ABI3BP: variants seen among roughly 807,000 people sequenced by gnomAD.
ABI3BP encodes the protein ABI family member 3 binding protein, also known as target of Nesh-SH3.
In ABI3BP, 216 loss-of-function variants were observed where a neutral mutation model predicts 268.6. The ratio of observed to expected loss-of-function variants is 0.80; its 90% CI spans 0.72 to 0.90. The LOEUF (loss-of-function observed/expected upper bound fraction) is 0.90. Among genes scored for constraint, ABI3BP ranks in the 40% least tolerant of loss-of-function variants. The probability of loss-of-function intolerance (pLI) is 0.00; values close to 1 mark genes in which losing one functional copy is unlikely to be tolerated. For missense variants in ABI3BP, 2,090 were observed against 2,182.4 expected (o/e 0.96, Z 0.84); for synonymous variants, 730 against 730.0 (o/e 1.00, Z 0.00).
At chr3:100,958,467 T>C (rs892646510) in intron 1 of ABI3BP, among the ~76,000 whole-genome samples, 7 of 152,204 alleles carry the variant, frequency 4.6e-5, no homozygotes, top group Non-Finnish European at 1.0e-4. Flanking sequence ...AATGTATACA[T>C]TGGGAAAACT....
chr3:100,879,111 C>A (rs962542024), intron 6 of ABI3BP, among the ~76,000 whole-genome samples: 2 of 152,156 alleles, frequency 1.3e-5, no homozygotes, highest in South Asian at 4.1e-4. Context: ...CACTCTAAAG[C>A]TTACTCCTCC....
At position 100,851,913 on chromosome 3, in the gene ABI3BP, G is replaced by C; in HGVS notation, c.1313C>G (p.Thr438Arg). Residue 438 changes from threonine (T) to arginine (R), a missense_variant, in exon 15 of 68, where the codon ACA becomes AGA. By Grantham distance (71) the Thr-to-Arg change is moderately conservative (BLOSUM62 -1). Transcript: ENST00000471714. ...TATYDVFSSP[T>R]TSDEPEISDS... ...TGATATCTCAGGCTCATCTGATGTT[G>C]TAGGGCTTGAGAAAACATCATAAGT... is the stretch of plus-strand genomic sequence containing the variant. 1 of 1,581,622 alleles carries C rather than the reference G, an allele frequency of 6.3e-7. No individual in the cohort carries two copies. Among genetic ancestry groups the C allele is most frequent in the Non-Finnish European group, 8.6e-7 (1 of 1,163,444 alleles).
rs563703897 is a variant in ABI3BP, at chr3:100,834,710, C to T, written c.2255G>A (p.Arg752His). ...RPRPKHKTTP[R>H]PETLQTKLDF... ...TAGTTTGGTCTGCAGTGTCTCTGGG[C>T]GTGGCGTGGTTTTATGTTTGGGACG... Residue 752 changes from arginine (R) to histidine (H), a missense_variant, in exon 29 of 68, where the codon CGC (arginine) becomes CAC (histidine). Coordinates refer to ENST00000471714, the MANE Select transcript of ABI3BP (RefSeq NM_001375547.2). 1.4e-5 allele frequency: 22 copies of T among 1,535,590 alleles called. No homozygotes were observed. Among genetic ancestry groups the T allele is most frequent in the South Asian group, 1.1e-4 (9 of 84,034 alleles).
At chr3:100,903,519 C>A (rs1423604034) in intron 2 of ABI3BP, among the ~76,000 whole-genome samples, 2 of 152,208 alleles carry the variant, frequency 1.3e-5, no homozygotes, top group African/African-American at 4.8e-5. Context: ...GTATTCTTTA[C>A]AATGTTCCTC....
chr3:100,880,880 G>A (rs1378755474), intron 6 of ABI3BP, among the ~76,000 whole-genome samples: 1 of 152,034 alleles, frequency 6.6e-6, no homozygotes, highest in African/African-American at 2.4e-5. Context: ...CAGAATATTA[G>A]TATTGTAGGT....
intron 1 of ABI3BP, among the ~76,000 whole-genome samples, chr3:100,943,377 A>G (rs1008866242): frequency 2.0e-5 from 3 of 152,144 alleles, no homozygotes; most frequent in African/African-American, 7.2e-5. Context: ...GCCATTAACT[A>G]AAGTTTAATA....
Position 100,876,496 on chromosome 3 carries a change from A to C in ABI3BP, c.745+16T>G. The C allele has an allele frequency of 6.2e-7, 1 of 1,608,638 alleles. No homozygotes were observed. The highest frequency in any genetic ancestry group is 8.5e-7 in the Non-Finnish European group (1 of 1,175,504). On this transcript the variant is annotated intron_variant, in intron 7 of 67. Transcript: ENST00000471714. Reference sequence around the variant, plus strand: ...TAAAGATTGCTCTAAACACATTTCCAGAGCAGACAAATTACCTTGCTTGAT... The same window carrying C: ...TAAAGATTGCTCTAAACACATTTCCCGAGCAGACAAATTACCTTGCTTGAT...
At chr3:100,768,351 G>GTGC (rs1208165841) in intron 62 of ABI3BP, among the ~76,000 whole-genome samples, 4 of 152,156 alleles carry the variant, frequency 2.6e-5, no homozygotes, top group Admixed American at 2.6e-4. Context: ...GCCTCCCAGA[G>GTGC]TGCTGGGATT....
At chr3:100,861,695 G>GAAA (rs2099000335) in intron 14 of ABI3BP, among the ~76,000 whole-genome samples, 1 of 129,788 alleles carries the variant, frequency 7.7e-6, no homozygotes, top group African/African-American at 3.0e-5. Flanking sequence ...ATTCTCCACA[G>GAAA]GAAAAAAAAA....
At chr3:100,816,083 T>A in intron 43 of ABI3BP, 112 bp from the exon 44 acceptor site, 1 of 795,698 alleles carries the variant, frequency 1.3e-6, no homozygotes, top group Non-Finnish European at 1.9e-6. Flanking sequence ...TTTTAAAACT[T>A]TTGAATTGAT....
At chr3:100,992,889 A>G (rs542625239) in intron 1 of ABI3BP, among the ~76,000 whole-genome samples, 3 of 152,342 alleles carry the variant, frequency 2.0e-5, no homozygotes, top group African/African-American at 7.2e-5. Context: ...TTCACACCAA[A>G]GATTCAAGGT....
At chr3:100,803,297 G>A (rs1366051999) in intron 51 of ABI3BP, among the ~76,000 whole-genome samples, 1 of 145,086 alleles carries the variant, frequency 6.9e-6, no homozygotes, top group African/African-American at 2.4e-5. Context: ...TGAAAAGCAA[G>A]GTGTTGGTAG....
chr3:100,958,448 A>C (rs948392616), intron 1 of ABI3BP, among the ~76,000 whole-genome samples: 2 of 152,252 alleles, frequency 1.3e-5, no homozygotes, highest in African/African-American at 4.8e-5. Context: ...CATATGATAA[A>C]TATCCTGTAA....
intron 46 of ABI3BP, among the ~76,000 whole-genome samples, chr3:100,812,020 C>A (rs1007571767): frequency 1.3e-5 from 2 of 151,958 alleles, no homozygotes; most frequent in Non-Finnish European, 2.9e-5. Context: ...CATGCACACC[C>A]CATACATAAT....
At chr3:100,847,554 C>T in intron 19 of ABI3BP, 48 bp downstream of exon 19, 1 of 1,499,660 alleles carries the variant, frequency 6.7e-7, no homozygotes, top group Non-Finnish European at 9.3e-7. Context: ...ACTGGATTTT[C>T]CATGGTGAAA....
intron 2 of ABI3BP, among the ~76,000 whole-genome samples, chr3:100,904,791 G>A (rs1392454129): frequency 6.6e-6 from 1 of 152,162 alleles, no homozygotes; most frequent in Admixed American, 6.5e-5. Context: ...GGAGAAATAG[G>A]AACACTTTTA....
rs573762081 is a variant in ABI3BP at position 100,809,485 on chromosome 3, G to A, written c.3607+927C>T. Among the ~76,000 whole-genome samples, 9 of 152,130 alleles carry A rather than the reference G, an allele frequency of 5.9e-5. No homozygotes were observed. The East Asian group carries it at 1.7e-3, about 29-fold the overall frequency. ...TCACTAATAGCAGTATTTGCAATGA[G>A]ACATTCCAATGATATTAATTATTAT... is the stretch of plus-strand genomic sequence containing the variant. On this transcript the variant is annotated intron_variant, in intron 49 of 67. Coordinates refer to ENST00000471714, the MANE Select transcript of ABI3BP (RefSeq NM_001375547.2).
chr3:100,824,956 A>T lies in ABI3BP; in HGVS notation c.2663-15T>A. Reference sequence around the variant, plus strand: ...TGTTTTGGTAGCTGAAGGAAGAAAAAGCCTTGTGTTACTCTAGGTCTTATG... The same window carrying T: ...TGTTTTGGTAGCTGAAGGAAGAAAATGCCTTGTGTTACTCTAGGTCTTATG... On this transcript the variant is annotated splice_polypyrimidine_tract_variant and intron_variant, in intron 35 of 67. Coordinates refer to ENST00000471714, the MANE Select transcript of ABI3BP (RefSeq NM_001375547.2). The T allele has an allele frequency of 6.5e-7, 1 of 1,533,722 alleles. No homozygotes were observed. Among genetic ancestry groups the T allele is most frequent in the Non-Finnish European group, 8.7e-7 (1 of 1,144,796 alleles).
rs375831834 is a variant in ABI3BP, at chr3:100,900,958, A to T, written c.328+1660T>A. On this transcript the variant is annotated intron_variant, in intron 3 of 67. Transcript: ENST00000471714. ...TCCTTACATAATTTTGTATATTTGT[A>T]CTATGATCATATTTCTATCAAGAAA... 1.1e-4 allele frequency among the ~76,000 whole-genome samples: 17 copies of T among 152,332 alleles called. No homozygotes were observed. In the South Asian group the frequency reaches 3.5e-3, roughly 32 times the overall value.
Sources: allele counts gnomAD v4.1 joint callset (sites outside exome capture counted in the v4.1 genomes callset), GRCh38; gene constraint gnomAD v4.1.1; transcripts MANE v1.5; gene names NCBI Gene and HGNC (gene_info 2026-07-23, HGNC 2026-07-21).